Variants in SLCO4C1 observed in about 807,000 individuals in gnomAD.
SLCO4C1 encodes the protein solute carrier organic anion transporter family member 4C1.
SLCO4C1 carries 58 observed loss-of-function variants against 72.1 expected under a neutral mutation model. That is an observed-to-expected ratio of 0.80 (90% CI 0.65 to 1.00). SLCO4C1 has a LOEUF of 1.00. Ranked by LOEUF, SLCO4C1 falls within the 50% of genes least tolerant of loss-of-function variation. The pLI, the probability that SLCO4C1 is intolerant of heterozygous loss-of-function variation, is 0.00. For synonymous variants in SLCO4C1, 297 were observed against 312.5 expected (o/e 0.95, Z 0.52); for missense variants, 898 against 857.9 (o/e 1.05, Z -0.58).
intron 8 of SLCO4C1, among the ~76,000 whole-genome samples, chr5:102,254,275 C>A (rs1243975576): frequency 2.0e-5 from 3 of 152,134 alleles, no homozygotes; most frequent in African/African-American, 7.2e-5. Flanking sequence ...GTGTTTTTTA[C>A]AAACTGAAGG....
At chr5:102,294,207 C>T (rs949086928) in intron 1 of SLCO4C1, among the ~76,000 whole-genome samples, 1 of 152,152 alleles carries the variant, frequency 6.6e-6, no homozygotes, top group Non-Finnish European at 1.5e-5. Context: ...CGGCGCCCGG[C>T]CATAATTTTT....
rs748055903 is a variant in SLCO4C1, at chr5:102,283,047, T to A, written c.619+8296A>T. Among the ~76,000 whole-genome samples, 52 of 151,984 alleles carry A rather than the reference T, an allele frequency of 3.4e-4. 1 individual carries two copies. Among genetic ancestry groups the A allele is most frequent in the Non-Finnish European group, 2.1e-4 (14 of 67,878 alleles). The stretch of plus-strand genomic sequence containing the variant: ...ATGTGTTATTCTAAGTGGACCCAAT[T>A]AAGCTGAGCTACACCAAATGAATTA... On this transcript the variant is annotated intron_variant, in intron 2 of 12. Coordinates refer to ENST00000310954, the MANE Select transcript of SLCO4C1 (RefSeq NM_180991.5).
At chr5:102,248,273 T>C (rs542449601) in intron 9 of SLCO4C1, among the ~76,000 whole-genome samples, 2 of 152,098 alleles carry the variant, frequency 1.3e-5, no homozygotes, top group African/African-American at 4.8e-5. Context: ...ATATTGCCTA[T>C]CTGAAATATT....
Position 102,256,338 on chromosome 5 carries a change from T to C in SLCO4C1, c.1469+777A>G, listed in dbSNP as rs1412241339. On this transcript the variant is annotated intron_variant, in intron 8 of 12. Transcript: ENST00000310954. ...TCATGATGATTGTCATTGGCAAACT[T>C]TTCTGAGCAAAGTAGATTATATTTA... Among the ~76,000 whole-genome samples the C allele has an allele frequency of 7.2e-5, 11 of 152,360 alleles. 1 individual carries two copies. The highest frequency in any genetic ancestry group is 5.9e-4 in the Admixed American group (9 of 15,298).
chr5:102,289,264 TCACA>T (rs1010304056), intron 2 of SLCO4C1, among the ~76,000 whole-genome samples: 1 of 152,246 alleles, frequency 6.6e-6, no homozygotes, highest in Non-Finnish European at 1.5e-5. Context: ...TCACCTCTGG[TCACA>T]CACAAACACC....
intron 12 of SLCO4C1, 62 bp downstream of exon 12, chr5:102,239,189 T>C: frequency 7.0e-7 from 1 of 1,427,882 alleles, no homozygotes; most frequent in South Asian, 1.6e-5. Context: ...TAACCAACAA[T>C]GAGATTTTTT....
rs1269959308 is a variant in SLCO4C1, at chr5:102,236,942, T to A, written c.2091A>T (p.Thr697=). 9 of 1,612,796 alleles carry A rather than the reference T, an allele frequency of 5.6e-6. No homozygotes were observed. The highest frequency in any genetic ancestry group is 7.6e-6 in the Non-Finnish European group (9 of 1,179,700). Residue 697 remains threonine, a synonymous_variant, in exon 13 of 13, where the codon ACA becomes ACT. Coordinates refer to ENST00000310954, the MANE Select transcript of SLCO4C1 (RefSeq NM_180991.5). The stretch of plus-strand genomic sequence containing the variant: ...CATTCTCTTTATGAAATGACACATC[T>A]GTGGCTGATGGAGGTGGTTTATACA... ...IFLYKPPPSA[T]DVSFHKENAV...
At chr5:102,269,456 GCT>G (rs1749108201) in intron 3 of SLCO4C1, among the ~76,000 whole-genome samples, 1 of 151,804 alleles carries the variant, frequency 6.6e-6, no homozygotes, top group African/African-American at 2.4e-5. Flanking sequence ...TATTGTTAAA[GCT>G]CTCAACTGTA....
chr5:102,236,831 T>G lies in SLCO4C1; in HGVS notation c.*27A>C. On this transcript the variant is annotated 3_prime_UTR_variant, in exon 13 of 13. Transcript: ENST00000310954. ...TAAAAATCGAGGTAAATTTTCCAGG[T>G]GTAAAACAGTCTTCTCTTTTCCCAT... 1 of 1,606,736 alleles carries G rather than the reference T, an allele frequency of 6.2e-7. No individual in the cohort carries two copies. The highest frequency in any genetic ancestry group is 1.1e-5 in the South Asian group (1 of 88,754).
chr5:102,267,431 C>A (rs1226628579), intron 3 of SLCO4C1, among the ~76,000 whole-genome samples: 1 of 151,992 alleles, frequency 6.6e-6, no homozygotes, highest in Non-Finnish European at 1.5e-5. Context: ...GTAAGACTAA[C>A]AATCCTTTGT....
intron 6 of SLCO4C1, among the ~76,000 whole-genome samples, chr5:102,259,467 G>A (rs1748897197): frequency 6.6e-6 from 1 of 152,116 alleles, no homozygotes; most frequent in African/African-American, 2.4e-5. Flanking sequence ...GTATGGTGTG[G>A]AGAGTTGAAA....
At chr5:102,293,084 T>C (rs935456128) in intron 1 of SLCO4C1, among the ~76,000 whole-genome samples, 2 of 152,056 alleles carry the variant, frequency 1.3e-5, no homozygotes, top group African/African-American at 4.8e-5. Context: ...AAAAATAAAT[T>C]CAACAAATTT....
At chr5:102,273,575 T>C (rs1465053833) in intron 2 of SLCO4C1, among the ~76,000 whole-genome samples, 1 of 152,194 alleles carries the variant, frequency 6.6e-6, no homozygotes, top group Non-Finnish European at 1.5e-5. Flanking sequence ...CAAGATAATG[T>C]GACCCTTATA....
At position 102,260,683 on chromosome 5, in the gene SLCO4C1, T is replaced by C. The variant is rs140742731; in HGVS notation, c.1022-364A>G. On this transcript the variant is annotated intron_variant, in intron 5 of 12. Coordinates refer to ENST00000310954, the MANE Select transcript of SLCO4C1 (RefSeq NM_180991.5). ...CATTTAAAATCTCTTAACATTTTTT[T>C]CTTCCTTTCAAATGGTTCTCTTTTT... Among the ~76,000 whole-genome samples the C allele has an allele frequency of 4.4e-3, 676 of 152,232 alleles. 12 individuals are homozygous for C. The highest frequency in any genetic ancestry group is 0.016 in the African/African-American group (648 of 41,554).
intron 10 of SLCO4C1, among the ~76,000 whole-genome samples, chr5:102,243,175 T>A (rs969719308): frequency 6.6e-6 from 1 of 152,134 alleles, no homozygotes; most frequent in Non-Finnish European, 1.5e-5. Context: ...CATGCCAGCT[T>A]AGCCGCAATA....
intron 3 of SLCO4C1, among the ~76,000 whole-genome samples, chr5:102,269,880 T>G (rs577775999): frequency 3.4e-4 from 52 of 152,182 alleles, no homozygotes; most frequent in African/African-American, 1.2e-3. Context: ...GATATATCTA[T>G]GGTGTTGGTT....
chr5:102,290,226 CTT>C (rs950255555), intron 2 of SLCO4C1, among the ~76,000 whole-genome samples: 7 of 152,104 alleles, frequency 4.6e-5, no homozygotes, highest in African/African-American at 1.7e-4. Context: ...GGGCCAGAAT[CTT>C]TTTTTGTTTG....
chr5:102,284,021 T>C (rs1341564496), intron 2 of SLCO4C1, among the ~76,000 whole-genome samples: 1 of 152,208 alleles, frequency 6.6e-6, no homozygotes, highest in Non-Finnish European at 1.5e-5. Context: ...TGCAAATTTT[T>C]CAGATCTCAA....
In SLCO4C1 at chr5:102,295,987, G is replaced by A; in HGVS notation, c.276C>T (p.Asn92=). 1 of 1,614,260 alleles carries A rather than the reference G, an allele frequency of 6.2e-7. No individual in the cohort carries two copies. The change falls in exon 1 of 13, where the codon AAC becomes AAT. Residue 92 remains asparagine, a synonymous_variant. Transcript: ENST00000310954. ...AGCGCTGGAGACATTGAGGATGGAA[G>A]TTCCTCCAGCCGTAAGACCCCTCCT... ...EFEEGSYGWR[N]FHPQCLQRCN...
Sources: allele counts gnomAD v4.1 joint callset (sites outside exome capture counted in the v4.1 genomes callset), GRCh38; gene constraint gnomAD v4.1.1; transcripts MANE v1.5; gene names NCBI Gene and HGNC (gene_info 2026-07-23, HGNC 2026-07-21).